CXADR: variants seen among roughly 807,000 people sequenced by gnomAD.
CXADR encodes CXADR cell adhesion molecule.
In CXADR, 20 loss-of-function variants were observed where a neutral mutation model predicts 40.3. The ratio of observed to expected loss-of-function variants is 0.50; its 90% CI spans 0.35 to 0.72. The LOEUF (loss-of-function observed/expected upper bound fraction) is 0.72, where lower values mean the gene tolerates loss of function less well. Ranked by LOEUF, CXADR falls within the 30% of genes least tolerant of loss-of-function variation. The pLI is 0.01. For missense variants in CXADR, 332 were observed against 449.1 expected (o/e 0.74, Z 2.36); for synonymous variants, 150 against 161.3 (o/e 0.93, Z 0.53).
intron 1 of CXADR, among the ~76,000 whole-genome samples, chr21:17,523,710 G>A (rs2060559289): frequency 6.6e-6 from 1 of 151,980 alleles, no homozygotes; most frequent in South Asian, 2.1e-4. Flanking sequence ...TTAAAATAAT[G>A]CAGAAAACAA....
the CXADR span, chr21:17,613,478 G>A: frequency 6.6e-6 from 1 of 152,332 alleles, no homozygotes; most frequent in Admixed American, 6.5e-5. Context: ...TATTTTAGGC[G>A]GTTGTTGGCA....
the CXADR span, among the ~76,000 whole-genome samples, chr21:17,614,754 A>C: frequency 0.017 from 2,586 of 152,288 alleles, 70 homozygotes; most frequent in African/African-American, 0.059. Flanking sequence ...AAAAAGAAAA[A>C]AAAATTCTCA....
At chr21:17,591,274 T>C (rs1468554689) in intron 7 of CXADR, among the ~76,000 whole-genome samples, 1 of 152,046 alleles carries the variant, frequency 6.6e-6, no homozygotes, top group African/African-American at 2.4e-5. Flanking sequence ...ATGATAATGG[T>C]ACATACCCCC....
Position 17,569,332 on chromosome 21 carries a change from AT to A in CXADR, c.*3644del, listed in dbSNP as rs2061254967. 5 of 984,936 alleles carry A rather than the reference AT, an allele frequency of 5.1e-6. No homozygotes were observed. In the African/African-American group the frequency reaches 8.7e-5, roughly 17 times the overall value. 61.0% of individuals were successfully genotyped at this position (984,936 alleles called of 1,614,324 possible). A position where few individuals can be genotyped will look rare whatever the true frequency, so the allele number is the denominator to read the frequency against. The stretch of plus-strand genomic sequence containing the variant: ...GTAGTTTGTAGAAAATGTTGGCACA[AT>A]TTTAACTTCTTAGTGGCTTGTGACA... On this transcript the variant is annotated 3_prime_UTR_variant, in exon 7 of 7. Coordinates refer to ENST00000284878, the MANE Select transcript of CXADR (RefSeq NM_001338.5).
At chr21:17,605,093 G>A in the CXADR span, 3 of 1,356,286 alleles carry the variant, frequency 2.2e-6, no homozygotes, top group Admixed American at 2.3e-5. Flanking sequence ...TAATAAAATA[G>A]TAATAAAAAA....
the CXADR span, chr21:17,613,222 C>T: frequency 6.6e-6 from 1 of 152,238 alleles, no homozygotes; most frequent in African/African-American, 2.4e-5. Flanking sequence ...GCGTCAGCGC[C>T]TTCGGGGGTC....
the CXADR span, among the ~76,000 whole-genome samples, chr21:17,606,124 T>A: frequency 9.2e-5 from 14 of 152,194 alleles, no homozygotes; most frequent in African/African-American, 3.4e-4. Context: ...TTTTAAAAAA[T>A]TTATTATGCA....
downstream of CXADR, among the ~76,000 whole-genome samples, chr21:17,595,992 T>C (rs889108631): frequency 3.3e-5 from 5 of 152,042 alleles, no homozygotes; most frequent in African/African-American, 1.2e-4. Flanking sequence ...GTGTTTCATA[T>C]GGATTTAATC....
Position 17,569,849 on chromosome 21 carries a change from C to G in CXADR, c.*4157C>G, listed in dbSNP as rs2061261999. On this transcript the variant is annotated 3_prime_UTR_variant, in exon 7 of 7. Coordinates refer to ENST00000284878, the MANE Select transcript of CXADR (RefSeq NM_001338.5). ...TTAAGAGAACCACAATTCATTGATT[C>G]ACTTATTCTTTTCCCTAATTGTGAA... The G allele has an allele frequency of 2.0e-6, 2 of 984,492 alleles. No individual in the cohort carries two copies. Among genetic ancestry groups the G allele is most frequent in the South Asian group, 9.4e-5 (2 of 21,272 alleles). 61.0% of individuals were successfully genotyped at this position (984,492 alleles called of 1,614,324 possible). A position where few individuals can be genotyped will look rare whatever the true frequency, so the allele number is the denominator to read the frequency against.
At chr21:17,622,258 C>A in the CXADR span, among the ~76,000 whole-genome samples, 14 of 152,048 alleles carry the variant, frequency 9.2e-5, no homozygotes, top group Admixed American at 8.5e-4. Flanking sequence ...AAAATGTTAC[C>A]GTAAAGAGCT....
chr21:17,524,308 TC>T (rs1255048552), intron 1 of CXADR, among the ~76,000 whole-genome samples: 1 of 151,786 alleles, frequency 6.6e-6, no homozygotes, highest in East Asian at 1.9e-4. Context: ...TGCCTGTAAT[TC>T]CAGCACTTGT....
At chr21:17,560,514 ATGTGAACT>A (rs1194174709) in intron 4 of CXADR, among the ~76,000 whole-genome samples, 180 bp from the exon 5 acceptor site, 1 of 152,318 alleles carries the variant, frequency 6.6e-6, no homozygotes, top group East Asian at 1.9e-4. Flanking sequence ...ACCTTGATAC[ATGTGAACT>A]GGAAGCATGA....
chr21:17,578,886 C>G lies in CXADR; in HGVS notation c.1017+13275C>G, dbSNP rs76033067. On this transcript the variant is annotated intron_variant, in intron 7 of 7. Transcript: ENST00000400169. ...GCATATACCTGTCTCAAATGAAATC[C>G]TATGTAAGGTTCAAATCATATCAGA... 5.3e-3 allele frequency among the ~76,000 whole-genome samples: 807 copies of G among 152,204 alleles called. 13 individuals are homozygous for G. Among genetic ancestry groups the G allele is most frequent in the African/African-American group, 0.018 (756 of 41,532 alleles).
At chr21:17,602,003 CGA>C in the CXADR span, among the ~76,000 whole-genome samples, 1 of 152,056 alleles carries the variant, frequency 6.6e-6, no homozygotes, top group Non-Finnish European at 1.5e-5. Flanking sequence ...AATGTGCAGT[CGA>C]TATCTTAGGA....
At chr21:17,595,156 G>C (rs2061488754), downstream of CXADR, among the ~76,000 whole-genome samples, 2 of 152,002 alleles carry the variant, frequency 1.3e-5, no homozygotes, top group South Asian at 4.1e-4. Flanking sequence ...AATAGTTTTA[G>C]ATTATCCCAT....
chr21:17,539,825 C>G (rs1048677737), intron 1 of CXADR, among the ~76,000 whole-genome samples: 1 of 152,064 alleles, frequency 6.6e-6, no homozygotes, highest in African/African-American at 2.4e-5. Context: ...TTTAAATCTT[C>G]TTGAGAATTT....
At chr21:17,527,572 G>A (rs540681518) in intron 1 of CXADR, among the ~76,000 whole-genome samples, 1 of 152,238 alleles carries the variant, frequency 6.6e-6, no homozygotes, top group East Asian at 1.9e-4. Flanking sequence ...AAATCCAGAG[G>A]GAGGAGTCAG....
At chr21:17,559,217 C>T in intron 4 of CXADR, 86 bp downstream of exon 4, 1 of 1,391,496 alleles carries the variant, frequency 7.2e-7, no homozygotes, top group East Asian at 2.3e-5. Context: ...GAGATAGGGC[C>T]TTGCTCTGTC....
intron 7 of CXADR, among the ~76,000 whole-genome samples, chr21:17,583,365 A>G (rs2061373797): frequency 6.6e-6 from 1 of 152,200 alleles, no homozygotes; most frequent in South Asian, 2.1e-4. Flanking sequence ...AGTTCTGCAA[A>G]AAACAGAAAC....
Sources: allele counts gnomAD v4.1 joint callset (sites outside exome capture counted in the v4.1 genomes callset), GRCh38; gene constraint gnomAD v4.1.1; transcripts MANE v1.5; gene names NCBI Gene and HGNC (gene_info 2026-07-23, HGNC 2026-07-21).